Variants in ANGPT1 observed in about 807,000 individuals in gnomAD.
ANGPT1 encodes angiopoietin 1.
A neutral mutation model predicts 62.2 loss-of-function variants in ANGPT1; 17 were observed. That is an observed-to-expected ratio of 0.27 (90% CI 0.19 to 0.41). The LOEUF (loss-of-function observed/expected upper bound fraction) is 0.41, where lower values mean the gene tolerates loss of function less well. Ranked by LOEUF, ANGPT1 falls within the 10% of genes least tolerant of loss-of-function variation. ANGPT1 has a pLI of 1.00. For missense variants in ANGPT1, 478 were observed against 594.9 expected (o/e 0.80, Z 2.04); for synonymous variants, 199 against 198.9 (o/e 1.00, Z 0.00).
At chr8:107,271,904 T>TAAAAAA (rs35257524) in intron 7 of ANGPT1, among the ~76,000 whole-genome samples, 1 of 138,220 alleles carries the variant, frequency 7.2e-6, no homozygotes. Flanking sequence ...TTGATACTGG[T>TAAAAAA]AAAAAAAAAA....
intron 1 of ANGPT1, among the ~76,000 whole-genome samples, chr8:107,449,404 A>G (rs1811704965): frequency 7.9e-6 from 1 of 125,824 alleles, no homozygotes; most frequent in African/African-American, 2.9e-5. Context: ...ACACATGCAC[A>G]CACACACACA....
At chr8:107,356,748 C>T (rs1461645891) in intron 1 of ANGPT1, among the ~76,000 whole-genome samples, 4 of 152,184 alleles carry the variant, frequency 2.6e-5, no homozygotes, top group Non-Finnish European at 4.4e-5. Context: ...CTGAAATGTG[C>T]TTCTTGGGAA....
chr8:107,311,191 A>G (rs1049908122), intron 4 of ANGPT1, among the ~76,000 whole-genome samples: 2 of 151,952 alleles, frequency 1.3e-5, no homozygotes, highest in African/African-American at 4.8e-5. Flanking sequence ...AAAAGACAGA[A>G]AATTTTAAAA....
intron 8 of ANGPT1, among the ~76,000 whole-genome samples, chr8:107,261,812 C>T (rs1813498945): frequency 6.6e-6 from 1 of 151,928 alleles, no homozygotes; most frequent in Non-Finnish European, 1.5e-5. Flanking sequence ...GAAAAGATAT[C>T]AACATAGGTG....
chr8:107,425,983 T>C (rs1811031720), intron 1 of ANGPT1, among the ~76,000 whole-genome samples: 1 of 151,982 alleles, frequency 6.6e-6, no homozygotes, highest in Non-Finnish European at 1.5e-5. Context: ...TCTTGGAAAA[T>C]GAAAACAAAA....
intron 1 of ANGPT1, among the ~76,000 whole-genome samples, chr8:107,398,500 A>ATTTTTTTTTTTTTTTT (rs10556477): frequency 1.4e-4 from 18 of 132,758 alleles, no homozygotes; most frequent in Non-Finnish European, 1.7e-4. Flanking sequence ...TTTCTTTTCT[A>ATTTTTTTTTTTTTTTT]TTTTTTTTTT....
At chr8:107,394,995 T>C (rs546499542) in intron 1 of ANGPT1, among the ~76,000 whole-genome samples, 2 of 152,274 alleles carry the variant, frequency 1.3e-5, no homozygotes, top group African/African-American at 4.8e-5. Flanking sequence ...TATCTATAGA[T>C]TGAAGAATAT....
At chr8:107,487,775 A>G (rs2130534711) in intron 1 of ANGPT1, among the ~76,000 whole-genome samples, 1 of 152,360 alleles carries the variant, frequency 6.6e-6, no homozygotes, top group Middle Eastern at 3.4e-3. Flanking sequence ...ACAAGAAAAT[A>G]GCAGTTCTTG....
At chr8:107,409,373 C>T (rs1201070624) in intron 1 of ANGPT1, among the ~76,000 whole-genome samples, 1 of 152,072 alleles carries the variant, frequency 6.6e-6, no homozygotes, top group Non-Finnish European at 1.5e-5. Flanking sequence ...GCTTGGATTC[C>T]CAGAGCGCAA....
rs143368428 is a variant in ANGPT1 at position 107,295,993 on chromosome 8, C to T, written c.937-1956G>A. ...GGTTTAGAGTAGTTCAGTAACTTAC[C>T]AGTGATTATACTCAACAATAAGCTC... is the stretch of plus-strand genomic sequence containing the variant. On this transcript the variant is annotated intron_variant, in intron 5 of 8. Coordinates refer to ENST00000517746, the MANE Select transcript of ANGPT1 (RefSeq NM_001146.5). Among the ~76,000 whole-genome samples the T allele has an allele frequency of 1.4e-3, 210 of 152,116 alleles. 1 individual carries two copies. The highest frequency in any genetic ancestry group is 4.8e-3 in the African/African-American group (198 of 41,498).
intron 1 of ANGPT1, among the ~76,000 whole-genome samples, chr8:107,417,554 T>C (rs1308399702): frequency 6.6e-6 from 1 of 152,122 alleles, no homozygotes; most frequent in Non-Finnish European, 1.5e-5. Context: ...CATCCCCCGT[T>C]ATTTTCATTC....
chr8:107,303,019 T>C (rs1814630399), intron 5 of ANGPT1, among the ~76,000 whole-genome samples: 1 of 151,794 alleles, frequency 6.6e-6, no homozygotes, highest in Non-Finnish European at 1.5e-5. Context: ...AGGGAATAAA[T>C]GCAAAATTTT....
At chr8:107,324,222 T>C (rs957689218) in intron 3 of ANGPT1, among the ~76,000 whole-genome samples, 1 of 151,240 alleles carries the variant, frequency 6.6e-6, no homozygotes, top group African/African-American at 2.4e-5. Flanking sequence ...TATATGTGTG[T>C]GTGTGTGTGT....
chr8:107,384,912 C>T (rs1206778127), intron 1 of ANGPT1, among the ~76,000 whole-genome samples: 1 of 151,996 alleles, frequency 6.6e-6, no homozygotes, highest in Non-Finnish European at 1.5e-5. Flanking sequence ...TTGGTTTTGT[C>T]AAAGATCAGA....
chr8:107,476,581 G>C (rs573752342), intron 1 of ANGPT1, among the ~76,000 whole-genome samples: 2 of 149,388 alleles, frequency 1.3e-5, no homozygotes, highest in Non-Finnish European at 3.0e-5. Context: ...AGAACTTAAA[G>C]TATAATAATA....
intron 1 of ANGPT1, among the ~76,000 whole-genome samples, chr8:107,364,869 G>T (rs1816239889): frequency 6.6e-6 from 1 of 152,188 alleles, no homozygotes. Flanking sequence ...AATTAATAAA[G>T]TGAGAGACTG....
intron 2 of ANGPT1, among the ~76,000 whole-genome samples, chr8:107,341,081 T>C (rs1040939634): frequency 6.6e-6 from 1 of 152,182 alleles, no homozygotes; most frequent in Admixed American, 6.5e-5. Flanking sequence ...AAAAATGAAC[T>C]ATCGAGATGC....
chr8:107,403,038 A>G (rs925521365), intron 1 of ANGPT1, among the ~76,000 whole-genome samples: 2 of 152,184 alleles, frequency 1.3e-5, no homozygotes, highest in African/African-American at 4.8e-5. Flanking sequence ...GGATCAACCA[A>G]TAGTTGTTTT....
chr8:107,280,446 G>T (rs1181706102), intron 7 of ANGPT1, among the ~76,000 whole-genome samples: 1 of 152,128 alleles, frequency 6.6e-6, no homozygotes, highest in Non-Finnish European at 1.5e-5. Flanking sequence ...GGAAGTGGAA[G>T]AAAGAAGCGC....
Sources: allele counts gnomAD v4.1 joint callset (sites outside exome capture counted in the v4.1 genomes callset), GRCh38; gene constraint gnomAD v4.1.1; transcripts MANE v1.5; gene names NCBI Gene and HGNC (gene_info 2026-07-23, HGNC 2026-07-21).